The following TRAF3IP1 variants were observed in gnomAD, a reference collection of about 807,000 sequenced individuals.
The protein encoded by TRAF3IP1 is intraflagellar transport 54.
Under a neutral mutation model 89.9 loss-of-function variants are expected in TRAF3IP1, and 53 were observed. That is an observed-to-expected ratio of 0.59 (90% CI 0.47 to 0.74). The LOEUF is 0.74. Among genes scored for constraint, TRAF3IP1 ranks in the 30% least tolerant of loss-of-function variants. The probability of loss-of-function intolerance (pLI) is 0.00; values close to 1 mark genes in which losing one functional copy is unlikely to be tolerated. For missense variants in TRAF3IP1, 806 were observed against 866.1 expected, an observed-to-expected ratio of 0.93 and a Z score of 0.87; for synonymous variants, 311 against 322.1, an observed-to-expected ratio of 0.97 and a Z score of 0.37.
chr2:238,352,803 TTAATC>T lies in TRAF3IP1; in HGVS notation c.1452-19_1452-15del. 1 of 1,589,640 alleles carries T rather than the reference TTAATC, an allele frequency of 6.3e-7. No individual in the cohort carries two copies. Among genetic ancestry groups the T allele is most frequent in the Non-Finnish European group, 8.5e-7 (1 of 1,170,644 alleles). ...ACTGATGAAAATGTGTAATTCTAAT[TTAATC>T]TAATTTCTTTTTATTTAGGTCAGGG... On this transcript the variant is annotated intron_variant, in intron 12 of 16. Transcript: ENST00000373327.
intron 6 of TRAF3IP1, among the ~76,000 whole-genome samples, 192 bp downstream of exon 6, chr2:238,333,087 G>A (rs559828193): frequency 6.6e-6 from 1 of 152,248 alleles, no homozygotes; most frequent in East Asian, 1.9e-4. Flanking sequence ...ATAGATGGGT[G>A]TGTGTATTCT....
intron 8 of TRAF3IP1, among the ~76,000 whole-genome samples, chr2:238,342,412 T>C (rs1367490340): frequency 1.3e-5 from 2 of 152,366 alleles, no homozygotes; most frequent in East Asian, 3.9e-4. Context: ...AGCTATAGTC[T>C]GTTTTCATGT....
intron 15 of TRAF3IP1, among the ~76,000 whole-genome samples, chr2:238,363,007 T>C (rs1047939086): frequency 6.6e-6 from 1 of 152,262 alleles, no homozygotes; most frequent in African/African-American, 2.4e-5. Context: ...CATAAAGATG[T>C]TTGAAGTAGC....
Position 238,333,883 on chromosome 2 carries a change from A to C in TRAF3IP1, c.988-77A>C. The C allele has an allele frequency of 8.3e-6, 10 of 1,208,310 alleles. No homozygotes were observed. In the South Asian group the frequency reaches 1.4e-4, roughly 17 times the overall value. 74.8% of individuals were successfully genotyped at this position (1,208,310 alleles called of 1,614,324 possible). On this transcript the variant is annotated intron_variant, in intron 6 of 16. Transcript: ENST00000373327. ...TTCATACTTGTTCTTCCTCAAGAAG[A>C]GCTTGAAAAATAAACCTGCTTATGA... is the stretch of plus-strand genomic sequence containing the variant.
chr2:238,367,632 G>A (rs909210437), intron 15 of TRAF3IP1, among the ~76,000 whole-genome samples: 3 of 152,084 alleles, frequency 2.0e-5, no homozygotes, highest in African/African-American at 7.2e-5. Flanking sequence ...AGACCGCGGT[G>A]GGACCGAGAG....
chr2:238,334,361 G>A (rs1246584853), intron 7 of TRAF3IP1, among the ~76,000 whole-genome samples: 1 of 152,208 alleles, frequency 6.6e-6, no homozygotes, highest in Non-Finnish European at 1.5e-5. Flanking sequence ...TGTCCTTTGC[G>A]TTGGCAGTCT....
intron 1 of TRAF3IP1, among the ~76,000 whole-genome samples, chr2:238,324,832 G>A (rs1442094613): frequency 1.3e-5 from 2 of 151,788 alleles, no homozygotes; most frequent in Non-Finnish European, 2.9e-5. Flanking sequence ...TCGATCTTCT[G>A]ACCTTGTGAT....
chr2:238,387,645 T>C (rs1289137720), intron 15 of TRAF3IP1, among the ~76,000 whole-genome samples: 3 of 152,206 alleles, frequency 2.0e-5, no homozygotes, highest in African/African-American at 7.2e-5. Context: ...TGTATTTTTT[T>C]GTAATAGCCC....
At chr2:238,336,117 T>A (rs1172642058) in intron 7 of TRAF3IP1, among the ~76,000 whole-genome samples, 1 of 152,148 alleles carries the variant, frequency 6.6e-6, no homozygotes, top group East Asian at 1.9e-4. Flanking sequence ...ATCCAGTAGT[T>A]CTTCTGTTGA....
intron 12 of TRAF3IP1, among the ~76,000 whole-genome samples, chr2:238,352,363 G>A (rs1332892848): frequency 1.3e-5 from 2 of 152,164 alleles, no homozygotes; most frequent in Admixed American, 6.5e-5. Flanking sequence ...AGAGGTCTGG[G>A]GTCAGCCCTG....
intron 12 of TRAF3IP1, 106 bp downstream of exon 12, chr2:238,349,514 A>G: frequency 1.7e-6 from 2 of 1,175,708 alleles, no homozygotes; most frequent in Non-Finnish European, 2.5e-6. Context: ...GGTGCTGGAA[A>G]CATGCTATTG....
At chr2:238,393,043 C>T (rs1157550677) in intron 15 of TRAF3IP1, among the ~76,000 whole-genome samples, 1 of 152,162 alleles carries the variant, frequency 6.6e-6, no homozygotes, top group Non-Finnish European at 1.5e-5. Context: ...CATGAATTTT[C>T]ATTTGTTTGG....
chr2:238,375,230 G>A (rs551380304), intron 15 of TRAF3IP1, among the ~76,000 whole-genome samples: 2 of 152,082 alleles, frequency 1.3e-5, no homozygotes, highest in Admixed American at 6.6e-5. Flanking sequence ...TTAGGGTGTT[G>A]ATTTTAAATC....
intron 5 of TRAF3IP1, among the ~76,000 whole-genome samples, chr2:238,331,803 A>G (rs1698139913): frequency 6.6e-6 from 1 of 152,206 alleles, no homozygotes; most frequent in African/African-American, 2.4e-5. Flanking sequence ...CCCTGTTCCC[A>G]GGGACCTTAC....
chr2:238,398,385 G>T (rs1197695893), intron 16 of TRAF3IP1, among the ~76,000 whole-genome samples: 7 of 150,062 alleles, frequency 4.7e-5, no homozygotes, highest in African/African-American at 1.7e-4. Context: ...CAGAGGTAGG[G>T]GTGTAGCGGA....
At position 238,351,862 on chromosome 2, in the gene TRAF3IP1, T is replaced by TGCGCGC. The variant is rs1178590570; in HGVS notation, c.1452-964_1452-963insCGCGCG. Among the ~76,000 whole-genome samples the TGCGCGC allele has an allele frequency of 2.1e-5, 2 of 95,430 alleles. No individual in the cohort carries two copies. The highest frequency in any genetic ancestry group is 3.9e-5 in the Non-Finnish European group (2 of 50,736). 62.6% of individuals were successfully genotyped at this position (95,430 alleles called of 152,430 possible). A position where few individuals can be genotyped will look rare whatever the true frequency, so the allele number is the denominator to read the frequency against. ...GTGTGTGTGTGTGTGTGTGTGTGTGTGTGTGCGCGCGCGCGCGTGTGCGTG... is the reference window on the plus strand; with the variant it reads ...GTGTGTGTGTGTGTGTGTGTGTGTGTGCGCGCGTGTGCGCGCGCGCGCGTGTGCGTG... On this transcript the variant is annotated intron_variant, in intron 12 of 16. Transcript: ENST00000373327. This position sits in a 1 kb window ranked among gnomAD's most constrained non-coding sequence, Gnocchi z 5.2.
At position 238,329,316 on chromosome 2, in the gene TRAF3IP1, A is replaced by G. The variant is rs755997378; in HGVS notation, c.889A>G (p.Arg297Gly). 48 of 1,405,150 alleles carry G rather than the reference A, an allele frequency of 3.4e-5. No individual in the cohort carries two copies. The highest frequency in any genetic ancestry group is 4.3e-5 in the African/African-American group (3 of 69,100). The allele number at this position is 1,405,150 out of a possible 1,614,324, so 87.0% of individuals were successfully genotyped here. ...CTGGGACCTGGACAGGGAGAAGAACAGAGAGCATGACAAACCTGAGAAAAA... is the reference window on the plus strand; with the variant it reads ...CTGGGACCTGGACAGGGAGAAGAACGGAGAGCATGACAAACCTGAGAAAAA... ...HSWDLDREKN[R>G]EHDKPEKKSA... is the part of the protein sequence containing the mutation. The change falls in exon 5 of 17, where the codon AGA becomes GGA. Residue 297 changes from arginine to glycine, a missense_variant. Arg to Gly is a moderately radical substitution (Grantham distance 125). Around this residue, in one of 3 missense-constraint regions of TRAF3IP1, gnomAD observed 732 missense variants for 780.5 expected, o/e 0.94. Transcript: ENST00000373327.
rs1294826896 is a variant in TRAF3IP1 at position 238,351,652 on chromosome 2, G to A, written c.1452-1175G>A. Among the ~76,000 whole-genome samples, 1 of 152,206 alleles carries A rather than the reference G, an allele frequency of 6.6e-6. No homozygotes were observed. ...GCCTGGACTTCCTGGTACTGACAGA[G>A]CAGCGGGTTCGAAGTGAGGTTGGTC... is the stretch of plus-strand genomic sequence containing the variant. On this transcript the variant is annotated intron_variant, in intron 12 of 16. Transcript: ENST00000373327. This position sits in a 1 kb window ranked among gnomAD's most constrained non-coding sequence, Gnocchi z 5.2.
chr2:238,375,751 T>C (rs958223770), intron 15 of TRAF3IP1, among the ~76,000 whole-genome samples: 16 of 152,236 alleles, frequency 1.1e-4, no homozygotes, highest in African/African-American at 3.6e-4. Flanking sequence ...TTTTCTCTTA[T>C]GGTTAATGCT....
Sources: allele counts gnomAD v4.1 joint callset (sites outside exome capture counted in the v4.1 genomes callset), GRCh38; gene constraint gnomAD v4.1.1; regional missense constraint gnomAD v4.1.1; non-coding constraint Gnocchi (gnomAD v3.1); transcripts MANE v1.5; gene names NCBI Gene and HGNC (gene_info 2026-07-23, HGNC 2026-07-21).